LARP4: variants seen among roughly 807,000 people sequenced by gnomAD.
LARP4 encodes the protein la-related protein 4.
In LARP4, 29 loss-of-function variants were observed where a neutral mutation model predicts 92.9. The ratio of observed to expected loss-of-function variants is 0.31; its 90% CI spans 0.23 to 0.43. The LOEUF (loss-of-function observed/expected upper bound fraction) is 0.43. LARP4 is among the 20% of genes least tolerant of loss of function. The pLI is 1.00. For missense variants in LARP4, 732 were observed against 860.0 expected (o/e 0.85, Z 1.86); for synonymous variants, 279 against 284.1 (o/e 0.98, Z 0.18).
In LARP4 at chr12:50,461,331, G is replaced by GC. The variant is rs1955342372; in HGVS notation, c.1318_1319insC (p.Asp440AlafsTer4). On this transcript the variant is annotated frameshift_variant, in exon 11 of 16. Coordinates refer to ENST00000398473, the MANE Select transcript of LARP4 (RefSeq NM_052879.5). LOFTEE classifies it high-confidence loss of function. ...CACTTTGCAGGTGGAACAGAATGGG[G>GC]ACTATGGTAGGGGCAGGTAAGAAAA... 1.2e-6 allele frequency: 2 copies of GC among 1,613,958 alleles called. No individual in the cohort carries two copies. The highest frequency in any genetic ancestry group is 3.3e-5 in the Admixed American group (2 of 59,962).
Position 50,462,594 on chromosome 12 carries a change from C to T in LARP4, c.1347C>T (p.Phe449=). 2.0e-6 allele frequency: 2 copies of T among 1,012,578 alleles called. No homozygotes were observed. Among genetic ancestry groups the T allele is most frequent in the Admixed American group, 4.7e-5 (2 of 42,434 alleles). 62.7% of individuals were successfully genotyped at this position (1,012,578 alleles called of 1,614,324 possible). A position where few individuals can be genotyped will look rare whatever the true frequency, so the allele number is the denominator to read the frequency against. Reference sequence around the variant, plus strand: ...TTCTTATTAAAAGGAGAACTCTCTTCAGAGGTCGAAGACGACGAGAAGATG... The same window carrying T: ...TTCTTATTAAAAGGAGAACTCTCTTTAGAGGTCGAAGACGACGAGAAGATG... ...GDYGRGRRTL[F]RGRRRREDDR... is the part of the protein sequence containing the mutation. The change falls in exon 12 of 16, where the codon TTC becomes TTT. Residue 449 remains phenylalanine (F), a synonymous_variant. Transcript: ENST00000398473.
At chr12:50,420,356 C>T (rs1947525456) in intron 1 of LARP4, among the ~76,000 whole-genome samples, 1 of 152,094 alleles carries the variant, frequency 6.6e-6, no homozygotes, top group South Asian at 2.1e-4. Flanking sequence ...ATACATGGAA[C>T]ATATGATGAC....
chr12:50,420,519 A>AT (rs1388224399), intron 1 of LARP4, among the ~76,000 whole-genome samples: 1 of 152,212 alleles, frequency 6.6e-6, no homozygotes, highest in Non-Finnish European at 1.5e-5. Context: ...ATAAAAAACA[A>AT]TTTCACACTT....
At position 50,479,847 on chromosome 12, in the gene LARP4, C is replaced by T. The variant is rs145640435; in HGVS notation, c.*3983C>T. On this transcript the variant is annotated 3_prime_UTR_variant, in exon 16 of 16. Transcript: ENST00000398473. Reference sequence around the variant, plus strand: ...TTTTGTCGATTGCTTAGATTTGTTCCTGTTGTCAAAACTGTTACCCCCAAA... The same window carrying T: ...TTTTGTCGATTGCTTAGATTTGTTCTTGTTGTCAAAACTGTTACCCCCAAA... 4 of 152,556 alleles carry T rather than the reference C, an allele frequency of 2.6e-5. No individual in the cohort carries two copies. Among genetic ancestry groups the T allele is most frequent in the African/African-American group, 7.2e-5 (3 of 41,540 alleles). 9.5% of individuals were successfully genotyped at this position (152,556 alleles called of 1,614,324 possible). A position where few individuals can be genotyped will look rare whatever the true frequency, so the allele number is the denominator to read the frequency against.
intron 13 of LARP4, among the ~76,000 whole-genome samples, chr12:50,469,235 TATTTC>T (rs1956585608): frequency 6.6e-6 from 1 of 152,184 alleles, no homozygotes; most frequent in Non-Finnish European, 1.5e-5. Context: ...ACGTAGTAGT[TATTTC>T]ATAAGTTCTA....
Position 50,462,256 on chromosome 12 carries a change from C to T in LARP4, c.1335-326C>T, listed in dbSNP as rs553988090. Among the ~76,000 whole-genome samples, 20 of 151,850 alleles carry T rather than the reference C, an allele frequency of 1.3e-4. No individual in the cohort carries two copies. In the South Asian group the frequency reaches 3.3e-3, roughly 25 times the overall value. The stretch of plus-strand genomic sequence containing the variant: ...CCAGCACTTTGGGAGGTGGGGCAGG[C>T]GGATCATGAGGTCAGGAGATCGAGA... On this transcript the variant is annotated intron_variant, in intron 11 of 15. Transcript: ENST00000398473.
At chr12:50,410,625 C>T (rs1045494360) in intron 1 of LARP4, among the ~76,000 whole-genome samples, 3 of 151,158 alleles carry the variant, frequency 2.0e-5, no homozygotes, top group African/African-American at 7.3e-5. Flanking sequence ...AGGATGGTCT[C>T]GATCTCCTGA....
chr12:50,452,899 G>A (rs1053371949), intron 8 of LARP4, among the ~76,000 whole-genome samples: 8 of 151,646 alleles, frequency 5.3e-5, no homozygotes, highest in African/African-American at 1.9e-4. Flanking sequence ...TTTTTGGGAG[G>A]TTTTTACTCT....
intron 12 of LARP4, among the ~76,000 whole-genome samples, chr12:50,463,290 A>C (rs1056919534): frequency 6.6e-6 from 1 of 151,510 alleles, no homozygotes; most frequent in Non-Finnish European, 1.5e-5. Flanking sequence ...AAGCTCCAAA[A>C]TACTCACCTT....
chr12:50,412,358 G>A, intron 1 of LARP4: 3 of 826,850 alleles, frequency 3.6e-6, no homozygotes, highest in Non-Finnish European at 4.4e-6. Flanking sequence ...TGATTGATGG[G>A]GCAAAATACA....
intron 1 of LARP4, chr12:50,401,230 C>A: frequency 4.6e-6 from 3 of 650,394 alleles, no homozygotes; most frequent in African/African-American, 1.8e-5. Context: ...AGGTGAGGCC[C>A]GTAGTGGAGA....
At chr12:50,459,822 C>CAAAAA (rs59855735) in intron 10 of LARP4, among the ~76,000 whole-genome samples, 2 of 99,870 alleles carry the variant, frequency 2.0e-5, no homozygotes, top group African/African-American at 1.1e-4. Flanking sequence ...GACTCCGTAT[C>CAAAAA]AAAAAAAAAA....
At chr12:50,435,842 C>T (rs1950324778) in intron 5 of LARP4, among the ~76,000 whole-genome samples, 1 of 151,414 alleles carries the variant, frequency 6.6e-6, no homozygotes, top group South Asian at 2.1e-4. Flanking sequence ...TGGTGCAAAT[C>T]ACAGCTCACT....
At chr12:50,407,592 C>T (rs766629090) in intron 1 of LARP4, among the ~76,000 whole-genome samples, 4 of 152,076 alleles carry the variant, frequency 2.6e-5, no homozygotes, top group Non-Finnish European at 2.9e-5. Flanking sequence ...TGCCTGTAAT[C>T]CCAGAATTTT....
At chr12:50,441,863 A>G (rs1951259972) in intron 8 of LARP4, among the ~76,000 whole-genome samples, 1 of 152,220 alleles carries the variant, frequency 6.6e-6, no homozygotes, top group African/African-American at 2.4e-5. Flanking sequence ...AGCCTTGCCA[A>G]TATGATGAAA....
At chr12:50,461,604 A>G (rs1475820368) in intron 11 of LARP4, 3 of 378,792 alleles carry the variant, frequency 7.9e-6, no homozygotes, top group African/African-American at 4.3e-5. Flanking sequence ...ATAAGAAAGA[A>G]TAGCTTAGAA....
Position 50,462,587 on chromosome 12 carries a change from C to T in LARP4, c.1340C>T (p.Thr447Ile), listed in dbSNP as rs1955577860. The change falls in exon 12 of 16, where the codon ACT becomes ATT. Residue 447 changes from threonine (T) to isoleucine (I), a missense_variant. Around this residue, in one of 7 missense-constraint regions of LARP4, gnomAD observed 264 missense variants for 269.5 expected, o/e 0.98. Coordinates refer to ENST00000398473, the MANE Select transcript of LARP4 (RefSeq NM_052879.5). The part of the protein sequence containing the change: ...QNGDYGRGRR[T>I]LFRGRRRRED... Reference sequence around the variant, plus strand: ...CACCTTTTTCTTATTAAAAGGAGAACTCTCTTCAGAGGTCGAAGACGACGA... The same window carrying T: ...CACCTTTTTCTTATTAAAAGGAGAATTCTCTTCAGAGGTCGAAGACGACGA... 1.4e-6 allele frequency: 1 copy of T among 699,554 alleles called. No homozygotes were observed. Among genetic ancestry groups the T allele is most frequent in the East Asian group, 7.5e-5 (1 of 13,350 alleles). The allele number at this position is 699,554 out of a possible 1,614,324, so 43.3% of individuals were successfully genotyped here. A position where few individuals can be genotyped will look rare whatever the true frequency, so the allele number is the denominator to read the frequency against.
rs989167468 is a variant in LARP4, at chr12:50,479,529, G to T, written c.*3665G>T. On this transcript the variant is annotated 3_prime_UTR_variant, in exon 16 of 16. Transcript: ENST00000398473. ...GAGGATATTTTAAGAAGTTGAAAGA[G>T]AATTTATTTTCAAGTTGTGAGTAAA... The T allele has an allele frequency of 1.3e-5, 2 of 152,140 alleles. No individual in the cohort carries two copies. Among genetic ancestry groups the T allele is most frequent in the African/African-American group, 4.8e-5 (2 of 41,426 alleles). The allele number at this position is 152,140 out of a possible 1,614,324, so 9.4% of individuals were successfully genotyped here.
intron 8 of LARP4, among the ~76,000 whole-genome samples, chr12:50,445,409 G>A (rs1286198697): frequency 6.6e-6 from 1 of 151,988 alleles, no homozygotes; most frequent in African/African-American, 2.4e-5. Context: ...GTTGGCTATG[G>A]TGTGTCTAGT....
Sources: gnomAD v4.1 joint callset for allele counts (sites outside exome capture counted in the v4.1 genomes callset) on GRCh38, gnomAD v4.1.1 for gene constraint, gnomAD v4.1.1 regional missense constraint, MANE v1.5 for transcripts, NCBI Gene and HGNC (gene_info 2026-07-23, HGNC 2026-07-21) for gene names.